Variants in PCNX2 observed in about 807,000 individuals in gnomAD.
PCNX2 encodes the protein pecanex-like protein 2.
Under a neutral mutation model 223.8 loss-of-function variants are expected in PCNX2, and 168 were observed. The ratio of observed to expected loss-of-function variants is 0.75; its 90% CI spans 0.66 to 0.85. PCNX2 has a LOEUF of 0.85. PCNX2 is among the 40% of genes least tolerant of loss of function. The pLI is 0.00. For missense variants in PCNX2, 2,507 were observed against 2,675.5 expected (o/e 0.94, Z 1.39); for synonymous variants, 1,006 against 1,052.6 (o/e 0.96, Z 0.86).
chr1:233,312,094 C>T, the PCNX2 span, among the ~76,000 whole-genome samples: 2 of 152,082 alleles, frequency 1.3e-5, no homozygotes, highest in Non-Finnish European at 2.9e-5. Context: ...CACCACTGCA[C>T]TCCAGCCTGG....
chr1:233,075,734 CA>C (rs1225630003), intron 23 of PCNX2, among the ~76,000 whole-genome samples: 1 of 151,386 alleles, frequency 6.6e-6, no homozygotes, highest in East Asian at 1.9e-4. Flanking sequence ...CACACACACA[CA>C]CACAACAGAA....
chr1:233,029,083 C>G (rs1671180663), intron 25 of PCNX2, among the ~76,000 whole-genome samples: 1 of 152,110 alleles, frequency 6.6e-6, no homozygotes, highest in Non-Finnish European at 1.5e-5. Flanking sequence ...TGTGATCCAC[C>G]CACCTTGGCC....
At chr1:233,107,667 G>GAA (rs141998113) in intron 21 of PCNX2, among the ~76,000 whole-genome samples, 4,437 of 145,740 alleles carry the variant, frequency 0.03, 97 homozygotes, top group Non-Finnish European at 0.05. Context: ...CACTTACAAT[G>GAA]AAAAAAAAAA....
rs1199295622 is a variant in PCNX2, at chr1:233,095,837, C to A, written c.3864G>T (p.Gln1288His). Residue 1288 changes from glutamine (Q) to histidine (H), a missense_variant, in exon 22 of 34, where the codon CAG (glutamine) becomes CAT (histidine). Transcript: ENST00000258229. ...SKLGDLLHKLQFVLTYVAPWQ... is the reference protein window; with the variant it reads ...SKLGDLLHKLHFVLTYVAPWQ... The stretch of plus-strand genomic sequence containing the variant: ...AAGGAGCCACATATGTCAGGACGAA[C>A]TGTAACTTGTGAAGCAGGTCCCCGA... The A allele has an allele frequency of 6.2e-7, 1 of 1,611,548 alleles. No homozygotes were observed. The highest frequency in any genetic ancestry group is 8.5e-7 in the Non-Finnish European group (1 of 1,179,002).
chr1:233,191,507 T>A (rs1044326399), intron 15 of PCNX2, among the ~76,000 whole-genome samples: 3 of 152,136 alleles, frequency 2.0e-5, no homozygotes, highest in African/African-American at 7.2e-5. Context: ...GCTCATTAAG[T>A]GTCCAATAAA....
the PCNX2 span, among the ~76,000 whole-genome samples, chr1:233,318,392 C>G: frequency 6.6e-6 from 1 of 152,000 alleles, no homozygotes. Context: ...TAAGGTCTTT[C>G]TATTCATATT....
chr1:233,018,492 T>G (rs1327384104), intron 26 of PCNX2, among the ~76,000 whole-genome samples: 1 of 152,182 alleles, frequency 6.6e-6, no homozygotes, highest in African/African-American at 2.4e-5. Flanking sequence ...GGAAAATGCC[T>G]CCCTTGGGCT....
intron 10 of PCNX2, among the ~76,000 whole-genome samples, 167 bp from the exon 11 acceptor site, chr1:233,218,351 C>T (rs1019361838): frequency 4.0e-5 from 6 of 149,494 alleles, no homozygotes; most frequent in African/African-American, 1.5e-4. Context: ...CAGGTTCAAG[C>T]AATCCTCCTG....
At chr1:233,319,615 G>A in the PCNX2 span, among the ~76,000 whole-genome samples, 18 of 152,210 alleles carry the variant, frequency 1.2e-4, no homozygotes, top group Non-Finnish European at 1.9e-4. Flanking sequence ...TACTGCCCGT[G>A]TTATCACAAG....
intron 28 of PCNX2, among the ~76,000 whole-genome samples, chr1:233,012,280 G>C (rs146429114): frequency 1.3e-5 from 2 of 152,142 alleles, no homozygotes; most frequent in Non-Finnish European, 2.9e-5. Flanking sequence ...AGAAATCCCA[G>C]CTGTTGGTTG....
At chr1:233,046,677 A>G (rs1401112565) in intron 25 of PCNX2, among the ~76,000 whole-genome samples, 1 of 152,216 alleles carries the variant, frequency 6.6e-6, no homozygotes, top group Non-Finnish European at 1.5e-5. Context: ...TCAATGAGCA[A>G]TAGCAGAGAT....
intron 32 of PCNX2, among the ~76,000 whole-genome samples, chr1:232,993,122 T>A (rs1463067872): frequency 6.6e-6 from 1 of 152,128 alleles, no homozygotes; most frequent in African/African-American, 2.4e-5. Flanking sequence ...TAGGCAGAGA[T>A]TGGAACAGTT....
chr1:233,065,701 C>G (rs1167784746), intron 23 of PCNX2: 2 of 151,978 alleles, frequency 1.3e-5, no homozygotes, highest in Non-Finnish European at 2.9e-5. Context: ...TCAACAAACC[C>G]CTGATCTGTC....
At chr1:233,235,949 T>TA (rs776690895) in intron 9 of PCNX2, among the ~76,000 whole-genome samples, 1,088 of 104,592 alleles carry the variant, frequency 0.01, 32 homozygotes, top group African/African-American at 0.036. Context: ...AAAGCAATCA[T>TA]AAAAAAAAAT....
intron 26 of PCNX2, among the ~76,000 whole-genome samples, chr1:233,022,081 C>T (rs1315861425): frequency 1.3e-5 from 2 of 152,164 alleles, no homozygotes; most frequent in Admixed American, 1.3e-4. Context: ...GATCTGCTGG[C>T]CCCATGGTGA....
At chr1:233,158,555 T>C (rs1204887418) in intron 19 of PCNX2, among the ~76,000 whole-genome samples, 2 of 152,136 alleles carry the variant, frequency 1.3e-5, no homozygotes, top group African/African-American at 2.4e-5. Context: ...GGTAAAGGTA[T>C]AGAAGTAAGT....
At chr1:233,004,502 A>G (rs1464992413) in intron 28 of PCNX2, among the ~76,000 whole-genome samples, 1 of 150,834 alleles carries the variant, frequency 6.6e-6, no homozygotes, top group Non-Finnish European at 1.5e-5. Flanking sequence ...AATATTCTCT[A>G]TCACGGCCAC....
At chr1:233,013,988 A>G (rs1448620776) in intron 28 of PCNX2, among the ~76,000 whole-genome samples, 4 of 152,134 alleles carry the variant, frequency 2.6e-5, no homozygotes, top group African/African-American at 9.7e-5. Context: ...CATCTGTGCA[A>G]TGGCCACTGA....
At chr1:233,084,347 G>A (rs1673498144) in intron 23 of PCNX2, among the ~76,000 whole-genome samples, 1 of 152,174 alleles carries the variant, frequency 6.6e-6, no homozygotes, top group Non-Finnish European at 1.5e-5. Flanking sequence ...TTGCAGACCA[G>A]TCACACAGAG....
Sources: allele counts gnomAD v4.1 joint callset (sites outside exome capture counted in the v4.1 genomes callset), GRCh38; gene constraint gnomAD v4.1.1; transcripts MANE v1.5; gene names NCBI Gene and HGNC (gene_info 2026-07-23, HGNC 2026-07-21).